Variants in NFATC4 observed in about 807,000 individuals in gnomAD.
NFATC4 encodes nuclear factor of activated T cells 4, also known as nuclear factor of activated T-cells, cytoplasmic 4.
NFATC4 carries 25 observed loss-of-function variants against 73.4 expected under a neutral mutation model. That is an observed-to-expected ratio of 0.34 (90% confidence interval 0.25 to 0.48). NFATC4 has a LOEUF of 0.48. NFATC4 is among the 20% of genes least tolerant of loss of function. NFATC4 has a pLI of 0.99. For synonymous variants in NFATC4, 523 were observed against 510.3 expected, an observed-to-expected ratio of 1.02 and a Z score of -0.34; for missense variants, 1,130 against 1,203.7, an observed-to-expected ratio of 0.94 and a Z score of 0.91.
chr14:24,370,464 T>C lies in NFATC4; in HGVS notation c.1066T>C (p.Leu356=). ...TGCCTCATGCAATGGGAAGCTGCCC[T>C]TGGGAGCAGAGGAGTCTGTGGCTCC... ...EPASCNGKLP[L]GAEESVAPPG... The change falls in exon 2 of 10, where the codon TTG becomes CTG. Residue 356 remains leucine (L), a synonymous_variant. Transcript: ENST00000250373. 1.2e-6 allele frequency: 2 copies of C among 1,614,148 alleles called. No homozygotes were observed. Among genetic ancestry groups the C allele is most frequent in the Non-Finnish European group, 1.7e-6 (2 of 1,180,004 alleles).
chr14:24,367,588 T>C, upstream of NFATC4: 1 of 1,536,022 alleles, frequency 6.5e-7, no homozygotes, highest in Non-Finnish European at 8.7e-7. Flanking sequence ...CCTGGAGGAA[T>C]GGCTGATGGA....
At position 24,369,164 on chromosome 14, in the gene NFATC4, G is replaced by A. The variant is rs1016481081; in HGVS notation, c.101-335G>A. The A allele has an allele frequency of 9.5e-6, 14 of 1,475,802 alleles. No individual in the cohort carries two copies. The Admixed American group carries it at 1.4e-4, about 15-fold the overall frequency. 91.4% of individuals were successfully genotyped at this position (1,475,802 alleles called of 1,614,324 possible). Reference sequence around the variant, plus strand: ...TGCTAATTGGGTTCATGTGTGAGTCGCCCCCAGTCCAGCCCAGTGCCTCAA... The same window carrying A: ...TGCTAATTGGGTTCATGTGTGAGTCACCCCCAGTCCAGCCCAGTGCCTCAA... On this transcript the variant is annotated intron_variant, in intron 1 of 9. Transcript: ENST00000250373.
Position 24,370,287 on chromosome 14 carries a change from C to T in NFATC4, c.889C>T (p.Pro297Ser). Residue 297 changes from proline (P) to serine (S), a missense_variant, in exon 2 of 10, where the codon CCA (proline) becomes TCA (serine). Transcript: ENST00000250373. ...CAGCCTGGGGGAAGAGGGGTCTGAGCCACCTCCACCACCCCCATTGCCTCT... is the reference window on the plus strand; with the variant it reads ...CAGCCTGGGGGAAGAGGGGTCTGAGTCACCTCCACCACCCCCATTGCCTCT... ...RGSLGEEGSE[P>S]PPPPPLPLAR... 6.2e-7 allele frequency: 1 copy of T among 1,611,646 alleles called. No individual in the cohort carries two copies. Among genetic ancestry groups the T allele is most frequent in the Non-Finnish European group, 8.5e-7 (1 of 1,178,726 alleles).
chr14:24,377,502 GT>G lies in NFATC4; in HGVS notation c.2642-135del. On this transcript the variant is annotated intron_variant, in intron 9 of 9. Coordinates refer to ENST00000250373, the MANE Select transcript of NFATC4 (RefSeq NM_004554.5). The surrounding 1 kb of genome is among the most constrained non-coding windows in gnomAD (Gnocchi z 4.2). Reference sequence around the variant, plus strand: ...GACGTGTTGGGGAAACTGAGGCCCAGTGGAATAGAAGCCAGTAGAGGAGGAA... The same window carrying G: ...GACGTGTTGGGGAAACTGAGGCCCAGGGAATAGAAGCCAGTAGAGGAGGAA... 6.7e-7 allele frequency: 1 copy of G among 1,482,926 alleles called. No individual in the cohort carries two copies. The highest frequency in any genetic ancestry group is 8.9e-7 in the Non-Finnish European group (1 of 1,119,478). 91.9% of individuals were successfully genotyped at this position (1,482,926 alleles called of 1,614,324 possible).
At position 24,372,490 on chromosome 14, in the gene NFATC4, C is replaced by A. The variant is rs749039103; in HGVS notation, c.1246C>A (p.Gln416Lys). The A allele has an allele frequency of 6.2e-7, 1 of 1,614,024 alleles. No homozygotes were observed. Among genetic ancestry groups the A allele is most frequent in the South Asian group, 1.1e-5 (1 of 91,082 alleles). The stretch of plus-strand genomic sequence containing the variant: ...CTGGCCTCTGCCCAGCCAATATGAG[C>A]AGCTGGAGCTGAGGATCGAGGTACA... ...LDWPLPSQYE[Q>K]LELRIEVQPR... Residue 416 changes from glutamine (Q) to lysine (K), a missense_variant, in exon 3 of 10, where the codon CAG becomes AAG. Physicochemically the swap from Gln to Lys is moderately conservative, Grantham distance 53. Coordinates refer to ENST00000250373, the MANE Select transcript of NFATC4 (RefSeq NM_004554.5).
At position 24,373,134 on chromosome 14, in the gene NFATC4, G is replaced by A. The variant is rs1292719291; in HGVS notation, c.1360-37G>A. ...GGATGAATAAAGGATGAGACGGTGG[G>A]GATTTCAATGAGGTGGCCGCTCTCT... On this transcript the variant is annotated intron_variant, in intron 3 of 9. Transcript: ENST00000250373. The surrounding 1 kb of genome is among the most constrained non-coding windows in gnomAD (Gnocchi z 4.7). 2.5e-6 allele frequency: 4 copies of A among 1,596,016 alleles called. No homozygotes were observed. Among genetic ancestry groups the A allele is most frequent in the South Asian group, 1.1e-5 (1 of 90,510 alleles).
chr14:24,377,741 C>T lies in NFATC4; in HGVS notation c.*36C>T, dbSNP rs377040748. On this transcript the variant is annotated 3_prime_UTR_variant, in exon 10 of 10. Transcript: ENST00000250373. The surrounding 1 kb of genome is among the most constrained non-coding windows in gnomAD (Gnocchi z 4.2). Reference sequence around the variant, plus strand: ...CTGTCATCACCTGGCAACCCCAGCCCCAGCCTCAGCCCTGCCCCCTTTCCC... The same window carrying T: ...CTGTCATCACCTGGCAACCCCAGCCTCAGCCTCAGCCCTGCCCCCTTTCCC... 87 of 1,614,022 alleles carry T rather than the reference C, an allele frequency of 5.4e-5. No homozygotes were observed. Among genetic ancestry groups the T allele is most frequent in the Non-Finnish European group, 7.0e-5 (83 of 1,179,998 alleles).
Position 24,373,706 on chromosome 14 carries a change from C to T in NFATC4, c.1571C>T (p.Ala524Val), listed in dbSNP as rs778408359. ...TCCTTTGCCTCCAGCATTGACTGCG[C>T]GGGAATCCTGAAGCTTCGGAATTCA... ...ENNMAANIDC[A>V]GILKLRNSDI... is the part of the protein sequence containing the mutation. Residue 524 changes from alanine (A) to valine (V), a missense_variant, in exon 5 of 10, where the codon GCG becomes GTG. Transcript: ENST00000250373. The surrounding 1 kb of genome is among the most constrained non-coding windows in gnomAD (Gnocchi z 4.7). 1.6e-5 allele frequency: 25 copies of T among 1,609,042 alleles called. No homozygotes were observed. The highest frequency in any genetic ancestry group is 8.9e-5 in the East Asian group (4 of 44,822).
In NFATC4 at chr14:24,374,369, C is replaced by A. The variant is rs528592010; in HGVS notation, c.1776C>A (p.Ser592Arg). Residue 592 changes from serine to arginine, a missense_variant, in exon 6 of 10, where the codon AGC becomes AGA. Ser to Arg is a moderately radical substitution (Grantham distance 110). Coordinates refer to ENST00000250373, the MANE Select transcript of NFATC4 (RefSeq NM_004554.5). ...AQELPQVEAYSPSACSVRGGE... is the reference protein window; with the variant it reads ...AQELPQVEAYRPSACSVRGGE... ...AGCTGCCCCAGGTGGAGGCCTACAG[C>A]CCCAGTGCCTGCTCTGTGAGAGGAG... is the stretch of plus-strand genomic sequence containing the variant. 1 of 1,613,946 alleles carries A rather than the reference C, an allele frequency of 6.2e-7. No individual in the cohort carries two copies. The highest frequency in any genetic ancestry group is 1.1e-5 in the South Asian group (1 of 91,060).
At chr14:24,372,204 GCTCTGTCCCCT>G in intron 2 of NFATC4, 1 of 512,782 alleles carries the variant, frequency 2.0e-6, no homozygotes. Flanking sequence ...ACCTCAAGGG[GCTCTGTCCCCT>G]ACTTCCCCTT....
intron 1 of NFATC4, chr14:24,369,082 A>G (rs2042389211): frequency 1.4e-5 from 20 of 1,383,304 alleles, no homozygotes; most frequent in Non-Finnish European, 1.7e-5. Flanking sequence ...CCCTCTGGCC[A>G]CGGTTGCGAT....
Position 24,377,364 on chromosome 14 carries a change from T to C in NFATC4, c.2642-274T>C. ...TGGCTACACCCATCTCTGGCCCTGC[T>C]GATACCGATTCCCCTGACATTTCAG... On this transcript the variant is annotated intron_variant, in intron 9 of 9. Coordinates refer to ENST00000250373, the MANE Select transcript of NFATC4 (RefSeq NM_004554.5). This position sits in a 1 kb window ranked among gnomAD's most constrained non-coding sequence, Gnocchi z 4.2. 7.4e-7 allele frequency: 1 copy of C among 1,351,108 alleles called. No homozygotes were observed. Among genetic ancestry groups the C allele is most frequent in the Non-Finnish European group, 9.5e-7 (1 of 1,051,704 alleles). 83.7% of individuals were successfully genotyped at this position (1,351,108 alleles called of 1,614,324 possible).
Position 24,376,659 on chromosome 14 carries a change from C to T in NFATC4, c.2422C>T (p.Pro808Ser), listed in dbSNP as rs1156381013. 6.2e-7 allele frequency: 1 copy of T among 1,613,494 alleles called. No individual in the cohort carries two copies. Among genetic ancestry groups the T allele is most frequent in the Non-Finnish European group, 8.5e-7 (1 of 1,179,798 alleles). Reference protein sequence around the residue: ...SFSLGLPFSPPAPFRPPPLPA... With the variant: ...SFSLGLPFSPSAPFRPPPLPA... ...CTCCCTGGGGCTGCCATTCTCTCCG[C>T]CAGCCCCCTTTCGGCCGCCTCCTCT... The change falls in exon 9 of 10, where the codon CCA becomes TCA. Residue 808 changes from proline to serine, a missense_variant. Physicochemically the swap from Pro to Ser is moderately conservative, Grantham distance 74 (BLOSUM62 -1). Transcript: ENST00000250373. The surrounding 1 kb of genome is among the most constrained non-coding windows in gnomAD (Gnocchi z 5.0).
upstream of NFATC4, chr14:24,366,928 G>A: frequency 6.5e-7 from 1 of 1,530,932 alleles, no homozygotes; most frequent in Non-Finnish European, 8.8e-7. Context: ...TCTGACCTGG[G>A]GCCGTCGCTT....
intron 1 of NFATC4, chr14:24,368,924 G>T: frequency 2.1e-6 from 1 of 472,636 alleles, no homozygotes; most frequent in Non-Finnish European, 2.8e-6. Context: ...GGCGGCCGCC[G>T]CTCGCACGAA....
Position 24,373,935 on chromosome 14 carries a change from T to C in NFATC4, c.1732+68T>C. ...TCTTTTGTCTGTGTGTGTGTGTCTG[T>C]CTGCCCATTCCCTCTGCAGCGTCCT... On this transcript the variant is annotated intron_variant, in intron 5 of 9. Coordinates refer to ENST00000250373, the MANE Select transcript of NFATC4 (RefSeq NM_004554.5). This position sits in a 1 kb window ranked among gnomAD's most constrained non-coding sequence, Gnocchi z 4.7. 6.3e-7 allele frequency: 1 copy of C among 1,591,720 alleles called. No homozygotes were observed.
At chr14:24,375,759 G>GGGGCCC in intron 7 of NFATC4, 44 bp downstream of exon 7, 2 of 617,008 alleles carry the variant, frequency 3.2e-6, no homozygotes, top group Non-Finnish European at 5.9e-6. Context: ...GGGGGTGGGA[G>GGGGCCC]AAGGCAGGGG....
At chr14:24,371,975 G>C (rs2042484666) in intron 2 of NFATC4, 1 of 156,724 alleles carries the variant, frequency 6.4e-6, no homozygotes, top group Admixed American at 6.4e-5. Flanking sequence ...TGGGATTATA[G>C]GTGTGAGCCA....
chr14:24,370,440 G>A lies in NFATC4; in HGVS notation c.1042G>A (p.Ala348Thr). ...AVALPRSEEP[A>T]SCNGKLPLGA... ...GGCTCTGCCTCGGTCTGAGGAGCCT[G>A]CCTCATGCAATGGGAAGCTGCCCTT... The change falls in exon 2 of 10, where the codon GCC becomes ACC. Residue 348 changes from alanine to threonine, a missense_variant. Ala to Thr is a moderately conservative substitution (Grantham distance 58). Transcript: ENST00000250373. 1 of 1,614,150 alleles carries A rather than the reference G, an allele frequency of 6.2e-7. No homozygotes were observed.
Sources: gnomAD v4.1 joint callset for allele counts on GRCh38, gnomAD v4.1.1 for gene constraint, Gnocchi (gnomAD v3.1) non-coding constraint, MANE v1.5 for transcripts, NCBI Gene and HGNC (gene_info 2026-07-23, HGNC 2026-07-21) for gene names.